Variants in SPHKAP observed in about 807,000 individuals in gnomAD.
The protein encoded by SPHKAP is A-kinase anchor protein SPHKAP.
Under a neutral mutation model 137.5 loss-of-function variants are expected in SPHKAP, and 67 were observed. The observed-to-expected ratio is 0.49, with a 90% confidence interval of 0.40 to 0.60. The LOEUF is 0.60. SPHKAP is among the 20% of genes least tolerant of loss of function. The pLI is 0.00. For missense variants in SPHKAP, 2,097 were observed against 2,069.3 expected (o/e 1.01, Z -0.26); for synonymous variants, 813 against 785.3 (o/e 1.04, Z -0.59).
intron 11 of SPHKAP, among the ~76,000 whole-genome samples, chr2:227,982,708 A>G (rs1693046872): frequency 6.6e-6 from 1 of 152,210 alleles, no homozygotes; most frequent in Non-Finnish European, 1.5e-5. Context: ...TGATGTGAGC[A>G]TTTGCAATGA....
intron 11 of SPHKAP, among the ~76,000 whole-genome samples, chr2:227,984,942 C>A (rs752854120): frequency 7.9e-5 from 12 of 152,192 alleles, no homozygotes; most frequent in Non-Finnish European, 1.3e-4. Flanking sequence ...GGACCACCAC[C>A]TTATCCCCAA....
intron 6 of SPHKAP, 160 bp from the exon 7 acceptor site, chr2:228,020,316 C>T (rs989603258): frequency 3.9e-6 from 2 of 511,326 alleles, no homozygotes; most frequent in Middle Eastern, 1.0e-3. Flanking sequence ...TGGAACCAAC[C>T]CAAATGTCCA....
At chr2:228,048,418 A>T (rs990414175) in intron 3 of SPHKAP, among the ~76,000 whole-genome samples, 1 of 152,072 alleles carries the variant, frequency 6.6e-6, no homozygotes, top group Non-Finnish European at 1.5e-5. Context: ...ACTCCACCTC[A>T]TCTCTCACCT....
intron 1 of SPHKAP, among the ~76,000 whole-genome samples, chr2:228,141,554 T>C (rs1036850842): frequency 1.3e-5 from 2 of 152,186 alleles, no homozygotes; most frequent in Non-Finnish European, 2.9e-5. Flanking sequence ...AGAGCTAGGA[T>C]TTCAAAATAT....
chr2:227,999,064 T>C (rs1693746394), intron 7 of SPHKAP, among the ~76,000 whole-genome samples: 1 of 152,208 alleles, frequency 6.6e-6, no homozygotes, highest in Non-Finnish European at 1.5e-5. Context: ...AAAAAAGTTC[T>C]CATATAGAGA....
chr2:228,108,801 A>C (rs1290914230), intron 3 of SPHKAP, 31 bp downstream of exon 3: 1 of 1,533,962 alleles, frequency 6.5e-7, no homozygotes, highest in South Asian at 1.2e-5. Flanking sequence ...CTGCTTTATC[A>C]GACAACATCC....
At chr2:228,119,884 G>C (rs560175660) in intron 2 of SPHKAP, among the ~76,000 whole-genome samples, 1 of 152,158 alleles carries the variant, frequency 6.6e-6, no homozygotes, top group African/African-American at 2.4e-5. Flanking sequence ...AGGAGAAATT[G>C]CTTCCAAAGT....
intron 1 of SPHKAP, among the ~76,000 whole-genome samples, chr2:228,154,533 T>TATATATATATATATATA (rs57634967): frequency 6.4e-4 from 10 of 15,522 alleles, no homozygotes; most frequent in East Asian, 3.2e-3. Context: ...TATATATATA[T>TATATATATATATATATA]TTTTTTTTTT....
chr2:228,136,831 C>A (rs767634700), intron 1 of SPHKAP, among the ~76,000 whole-genome samples: 2 of 152,132 alleles, frequency 1.3e-5, no homozygotes, highest in Admixed American at 1.3e-4. Flanking sequence ...AGAGATGGGG[C>A]AAACAGAGAT....
intron 1 of SPHKAP, among the ~76,000 whole-genome samples, chr2:228,149,929 C>A (rs1407665005): frequency 6.6e-6 from 1 of 152,052 alleles, no homozygotes; most frequent in African/African-American, 2.4e-5. Flanking sequence ...GTTTGTTTCT[C>A]ATTTTTGCTT....
chr2:228,175,446 C>T (rs2106433749), intron 1 of SPHKAP, among the ~76,000 whole-genome samples: 1 of 152,208 alleles, frequency 6.6e-6, no homozygotes, highest in East Asian at 1.9e-4. Flanking sequence ...GTAAAAACCT[C>T]ACACTGGATG....
At chr2:228,025,790 A>C in intron 4 of SPHKAP, 1 of 835,688 alleles carries the variant, frequency 1.2e-6, no homozygotes, top group African/African-American at 1.8e-5. Flanking sequence ...AGTAAACATT[A>C]TGATAGTAAT....
At chr2:228,179,968 T>C (rs1463854088) in intron 1 of SPHKAP, among the ~76,000 whole-genome samples, 1 of 152,236 alleles carries the variant, frequency 6.6e-6, no homozygotes, top group Non-Finnish European at 1.5e-5. Context: ...GTTTCAATTC[T>C]AATGACCATT....
At chr2:228,130,728 T>C (rs1699223495) in intron 2 of SPHKAP, among the ~76,000 whole-genome samples, 1 of 152,214 alleles carries the variant, frequency 6.6e-6, no homozygotes, top group Non-Finnish European at 1.5e-5. Flanking sequence ...ACCTCTTTTA[T>C]AAATAGTTTT....
At chr2:228,104,716 T>G (rs910841848) in intron 3 of SPHKAP, among the ~76,000 whole-genome samples, 2 of 152,146 alleles carry the variant, frequency 1.3e-5, no homozygotes, top group Admixed American at 1.3e-4. Flanking sequence ...TTAAATACTG[T>G]GATTCATCAA....
chr2:228,075,747 C>T (rs1055964814), intron 3 of SPHKAP, among the ~76,000 whole-genome samples: 1 of 152,098 alleles, frequency 6.6e-6, no homozygotes, highest in Non-Finnish European at 1.5e-5. Flanking sequence ...TCTTAGGACA[C>T]TTTGAGTAGT....
intron 3 of SPHKAP, among the ~76,000 whole-genome samples, chr2:228,092,376 G>T (rs566020220): frequency 6.0e-5 from 8 of 133,436 alleles, no homozygotes; most frequent in Middle Eastern, 8.8e-3. Flanking sequence ...TATACATACA[G>T]ATATACATAT....
chr2:228,029,441 A>G (rs1279236796), intron 3 of SPHKAP, among the ~76,000 whole-genome samples: 5 of 152,214 alleles, frequency 3.3e-5, no homozygotes, highest in African/African-American at 1.2e-4. Context: ...GTCCCAAAGA[A>G]TAGGAGATTT....
rs538521076 is a variant in SPHKAP, at chr2:228,073,024, C to A, written c.246+35808G>T. On this transcript the variant is annotated intron_variant, in intron 3 of 11. Transcript: ENST00000392056. ...CATAATGAGAGGTTGCTTTATGCTA[C>A]TAAATTTTAGGTTAATTTGTTGTTC... Among the ~76,000 whole-genome samples, 33 of 152,292 alleles carry A rather than the reference C, an allele frequency of 2.2e-4. 2 individuals carry two copies. The highest frequency in any genetic ancestry group is 7.5e-4 in the African/African-American group (31 of 41,548).
Sources: gnomAD v4.1 joint callset for allele counts (sites outside exome capture counted in the v4.1 genomes callset) on GRCh38, gnomAD v4.1.1 for gene constraint, MANE v1.5 for transcripts, NCBI Gene and HGNC (gene_info 2026-07-23, HGNC 2026-07-21) for gene names.